MAGI2: variants seen among roughly 807,000 people sequenced by gnomAD.
The protein encoded by MAGI2 is membrane-associated guanylate kinase, WW and PDZ domain-containing protein 2.
MAGI2 carries 35 observed loss-of-function variants against 133.3 expected under a neutral mutation model. The ratio of observed to expected loss-of-function variants is 0.26; its 90% CI spans 0.20 to 0.35. The LOEUF (loss-of-function observed/expected upper bound fraction) is 0.35, where lower values mean the gene tolerates loss of function less well. Among genes scored for constraint, MAGI2 ranks in the 10% least tolerant of loss-of-function variants. The pLI is 1.00. For missense variants in MAGI2, 1,636 were observed against 1,863.4 expected, an observed-to-expected ratio of 0.88 and a Z score of 2.25; for synonymous variants, 729 against 710.6, an observed-to-expected ratio of 1.03 and a Z score of -0.41.
chr7:79,192,155 G>A (rs193254929), intron 1 of MAGI2, among the ~76,000 whole-genome samples: 14 of 151,602 alleles, frequency 9.2e-5, no homozygotes, highest in African/African-American at 2.4e-4. Flanking sequence ...TTGCCTTTCC[G>A]TGTCCTATTT....
intron 2 of MAGI2, among the ~76,000 whole-genome samples, chr7:78,789,936 C>G (rs559338718): frequency 6.6e-6 from 1 of 152,106 alleles, no homozygotes; most frequent in South Asian, 2.1e-4. Flanking sequence ...ATTTGAGAGG[C>G]AGAAATGGAC....
At chr7:79,205,971 A>C (rs941360677) in intron 1 of MAGI2, among the ~76,000 whole-genome samples, 1 of 151,726 alleles carries the variant, frequency 6.6e-6, no homozygotes, top group African/African-American at 2.4e-5. Flanking sequence ...GGAAGAACAA[A>C]GGATCTATGG....
At chr7:79,167,038 T>A (rs1273900964) in intron 1 of MAGI2, among the ~76,000 whole-genome samples, 1 of 152,066 alleles carries the variant, frequency 6.6e-6, no homozygotes, top group Non-Finnish European at 1.5e-5. Context: ...TGAGGTGATT[T>A]CCAGGCTTGT....
At chr7:78,148,931 A>G (rs1237488103) in intron 16 of MAGI2, among the ~76,000 whole-genome samples, 2 of 152,048 alleles carry the variant, frequency 1.3e-5, no homozygotes, top group Non-Finnish European at 2.9e-5. Context: ...AGATCATCAG[A>G]CTCGTCTTAG....
intron 21 of MAGI2, among the ~76,000 whole-genome samples, chr7:78,076,932 A>C (rs1198480222): frequency 3.9e-5 from 6 of 151,936 alleles, no homozygotes; most frequent in African/African-American, 1.5e-4. Flanking sequence ...TTGTTCAAAA[A>C]CATGTTTTTA....
At chr7:79,035,594 A>G (rs1811055130) in intron 1 of MAGI2, among the ~76,000 whole-genome samples, 1 of 152,212 alleles carries the variant, frequency 6.6e-6, no homozygotes, top group African/African-American at 2.4e-5. Flanking sequence ...AATCAACATC[A>G]TAAGGTGCAC....
chr7:78,410,875 T>C (rs1797809462), intron 6 of MAGI2, among the ~76,000 whole-genome samples: 1 of 152,016 alleles, frequency 6.6e-6, no homozygotes, highest in African/African-American at 2.4e-5. Context: ...ATATAAACCT[T>C]CATAATTGCT....
chr7:79,302,309 G>T (rs1837448228), intron 1 of MAGI2, among the ~76,000 whole-genome samples: 1 of 152,136 alleles, frequency 6.6e-6, no homozygotes, highest in Non-Finnish European at 1.5e-5. Flanking sequence ...AAATAAAAAA[G>T]ACAAAGTTCA....
At chr7:78,876,077 C>T (rs1230062318) in intron 2 of MAGI2, among the ~76,000 whole-genome samples, 5 of 152,048 alleles carry the variant, frequency 3.3e-5, no homozygotes, top group East Asian at 1.9e-4. Context: ...AATTCCAGCA[C>T]CTTGGGAGGC....
At chr7:78,254,550 C>G (rs925267850) in intron 10 of MAGI2, 1 of 152,176 alleles carries the variant, frequency 6.6e-6, no homozygotes, top group African/African-American at 2.4e-5. Flanking sequence ...GTTTGGCTAT[C>G]ATATGAATTT....
At chr7:78,423,578 T>C (rs187011320) in intron 6 of MAGI2, among the ~76,000 whole-genome samples, 32 of 152,176 alleles carry the variant, frequency 2.1e-4, no homozygotes, top group South Asian at 8.3e-4. Flanking sequence ...CAGAAGAAGA[T>C]AGGAAAACGT....
At chr7:78,113,352 GC>G (rs1819544934) in intron 20 of MAGI2, among the ~76,000 whole-genome samples, 1 of 152,124 alleles carries the variant, frequency 6.6e-6, no homozygotes, top group South Asian at 2.1e-4. Flanking sequence ...GTATTTGAAA[GC>G]TTTTGTAGCC....
intron 2 of MAGI2, among the ~76,000 whole-genome samples, chr7:78,889,511 C>T (rs183978961): frequency 1.3e-5 from 2 of 152,330 alleles, no homozygotes; most frequent in African/African-American, 2.4e-5. Context: ...GGAAGCCCAT[C>T]AGACTAACAG....
intron 2 of MAGI2, among the ~76,000 whole-genome samples, chr7:78,687,697 G>A (rs910127160): frequency 3.9e-5 from 6 of 151,960 alleles, no homozygotes; most frequent in South Asian, 2.1e-4. Flanking sequence ...GACTGGGCGC[G>A]GTGGCTCACG....
At position 78,682,296 on chromosome 7, in the gene MAGI2, C is replaced by T. The variant is rs200609013; in HGVS notation, c.419-55057G>A. ...TGTGCAGATTTGTTACATAGGTATA[C>T]GTGTGCCATGGTGGTTTGCTGCACC... On this transcript the variant is annotated intron_variant, in intron 2 of 21. Coordinates refer to ENST00000354212, the MANE Select transcript of MAGI2 (RefSeq NM_012301.4). 3.2e-4 allele frequency among the ~76,000 whole-genome samples: 49 copies of T among 151,352 alleles called. No homozygotes were observed. The East Asian group carries it at 6.8e-3, about 21-fold the overall frequency.
chr7:78,575,938 A>C (rs1802221708), intron 3 of MAGI2, among the ~76,000 whole-genome samples: 1 of 152,214 alleles, frequency 6.6e-6, no homozygotes, highest in Non-Finnish European at 1.5e-5. Flanking sequence ...ATATATCAAC[A>C]TAGGTTTATT....
chr7:78,393,325 A>T (rs1294727793), intron 6 of MAGI2, among the ~76,000 whole-genome samples: 1 of 152,226 alleles, frequency 6.6e-6, no homozygotes, highest in East Asian at 1.9e-4. Context: ...GATGCAAAGC[A>T]GCGGCAACAG....
At chr7:78,448,830 T>C (rs1209611484) in intron 6 of MAGI2, among the ~76,000 whole-genome samples, 1 of 152,058 alleles carries the variant, frequency 6.6e-6, no homozygotes, top group African/African-American at 2.4e-5. Context: ...GTGTGTATCA[T>C]TAAAACTCAA....
At chr7:78,374,075 T>C (rs1042584647) in intron 6 of MAGI2, among the ~76,000 whole-genome samples, 1 of 152,198 alleles carries the variant, frequency 6.6e-6, no homozygotes, top group African/African-American at 2.4e-5. Flanking sequence ...AGTGCGTGTG[T>C]CTTTTGGTAA....
Sources: gnomAD v4.1 joint callset for allele counts (sites outside exome capture counted in the v4.1 genomes callset) on GRCh38, gnomAD v4.1.1 for gene constraint, MANE v1.5 for transcripts, NCBI Gene and HGNC (gene_info 2026-07-23, HGNC 2026-07-21) for gene names.